SLC14A1: variants seen among roughly 807,000 people sequenced by gnomAD.
The protein encoded by SLC14A1 is urea transporter 1.
A neutral mutation model predicts 39.6 loss-of-function variants in SLC14A1; 36 were observed. The observed-to-expected ratio is 0.91, with a 90% CI of 0.70 to 1.20. The LOEUF is 1.20. Among genes scored for constraint, SLC14A1 ranks in the 50% most tolerant of loss-of-function variants. The pLI is 0.00. For missense variants in SLC14A1, 469 were observed against 478.7 expected (o/e 0.98, Z 0.19); for synonymous variants, 164 against 173.6 (o/e 0.94, Z 0.43).
chr18:45,733,546 C>T (rs936805256), intron 4 of SLC14A1, among the ~76,000 whole-genome samples: 1 of 152,178 alleles, frequency 6.6e-6, no homozygotes, highest in Non-Finnish European at 1.5e-5. Context: ...CAAACTTAAG[C>T]AACAGTTTCA....
intron 4 of SLC14A1, among the ~76,000 whole-genome samples, chr18:45,732,504 C>A (rs575540956): frequency 6.6e-6 from 1 of 152,316 alleles, no homozygotes; most frequent in East Asian, 1.9e-4. Context: ...AAACAAAGAA[C>A]TTTTGAATAG....
At chr18:45,724,715 G>C (rs1049460184) in intron 1 of SLC14A1, among the ~76,000 whole-genome samples, 14 of 152,354 alleles carry the variant, frequency 9.2e-5, no homozygotes, top group African/African-American at 3.4e-4. Flanking sequence ...GCCCTTTCCA[G>C]TGATGGATTT....
At chr18:45,740,976 G>A (rs190546420) in intron 8 of SLC14A1, 1 of 152,438 alleles carries the variant, frequency 6.6e-6, no homozygotes, top group East Asian at 1.9e-4. Context: ...AAGGCATCCT[G>A]AGACCTCTAC....
Position 45,752,009 on chromosome 18 carries a change from C to T in SLC14A1, c.*2058C>T. ...AACCTACAAATATTTTAGGGAGAAG[C>T]TCACTTCTTCCTTTTCTCAGGAAAC... On this transcript the variant is annotated 3_prime_UTR_variant, in exon 10 of 10. Transcript: ENST00000321925. 1 of 985,150 alleles carries T rather than the reference C, an allele frequency of 1.0e-6. No individual in the cohort carries two copies. The allele number at this position is 985,150 out of a possible 1,614,324, so 61.0% of individuals were successfully genotyped here.
intron 4 of SLC14A1, among the ~76,000 whole-genome samples, chr18:45,732,979 T>C (rs892420581): frequency 2.0e-5 from 3 of 152,216 alleles, no homozygotes; most frequent in Admixed American, 6.5e-5. Context: ...GAGACCAATA[T>C]CCTAAGTGAA....
chr18:45,751,077 C>T lies in SLC14A1; in HGVS notation c.*1126C>T, dbSNP rs1218203190. The stretch of plus-strand genomic sequence containing the variant: ...ATAAAGGGCTGAGTGCGGTGGCTCA[C>T]GCCTGTAATCCCAGCACTTTGGGGA... On this transcript the variant is annotated 3_prime_UTR_variant, in exon 10 of 10. Coordinates refer to ENST00000321925, the MANE Select transcript of SLC14A1 (RefSeq NM_015865.7). The T allele has an allele frequency of 1.7e-5, 16 of 960,426 alleles. No individual in the cohort carries two copies. Among genetic ancestry groups the T allele is most frequent in the Middle Eastern group, 5.3e-4 (1 of 1,892 alleles). The allele number at this position is 960,426 out of a possible 1,614,324, so 59.5% of individuals were successfully genotyped here. A position where few individuals can be genotyped will look rare whatever the true frequency, so the allele number is the denominator to read the frequency against.
chr18:45,730,209 G>A lies in SLC14A1; in HGVS notation c.-21-91G>A, dbSNP rs28994286. On this transcript the variant is annotated intron_variant, in intron 2 of 9. Coordinates refer to ENST00000321925, the MANE Select transcript of SLC14A1 (RefSeq NM_015865.7). ...TCTCTTAGTTCTATGGAACATAGTG[G>A]TCCAGATCTTCTACTGTAACCAGGC... The A allele has an allele frequency of 6.2e-3, 8,356 of 1,339,270 alleles. 415 individuals carry two copies. The African/African-American group carries it at 0.11, about 17-fold the overall frequency. 83.0% of individuals were successfully genotyped at this position (1,339,270 alleles called of 1,614,324 possible).
chr18:45,727,561 C>T (rs2046907760), intron 2 of SLC14A1: 1 of 1,026,110 alleles, frequency 9.7e-7, no homozygotes, highest in Admixed American at 2.9e-5. Flanking sequence ...TCCAAAAAGC[C>T]CCATGGCGCT....
Position 45,724,608 on chromosome 18 carries a change from TTGTGTTCTTGAAATAATAATTTGGGC to T in SLC14A1, c.-85-325_-85-300del, listed in dbSNP as rs1434821888. Among the ~76,000 whole-genome samples, 4 of 152,158 alleles carry T rather than the reference TTGTGTTCTTGAAATAATAATTTGGGC, an allele frequency of 2.6e-5. No individual in the cohort carries two copies. The East Asian group carries it at 5.8e-4, about 22-fold the overall frequency. On this transcript the variant is annotated intron_variant, in intron 1 of 9. Coordinates refer to ENST00000321925, the MANE Select transcript of SLC14A1 (RefSeq NM_015865.7). ...AATCAACACTATTAGGAGTTTCAGG[TTGTGTTCTTGAAATAATAATTTGGGC>T]TGTGTTCTTGAAATAAGTTCGAGGC...
chr18:45,735,858 C>G (rs1005142724), intron 5 of SLC14A1, among the ~76,000 whole-genome samples: 1 of 152,194 alleles, frequency 6.6e-6, no homozygotes, highest in Non-Finnish European at 1.5e-5. Context: ...GACCTCGGGA[C>G]CATGCAGCCC....
chr18:45,732,790 G>A (rs956845689), intron 4 of SLC14A1, among the ~76,000 whole-genome samples: 18 of 152,264 alleles, frequency 1.2e-4, no homozygotes, highest in Admixed American at 5.9e-4. Flanking sequence ...TGCCTTTCAC[G>A]GTGCCAGACG....
At chr18:45,727,291 T>C (rs781411422) in intron 2 of SLC14A1, 1 of 1,551,724 alleles carries the variant, frequency 6.4e-7, no homozygotes, top group South Asian at 1.2e-5. Flanking sequence ...CGGTCTTTGA[T>C]TGGCGGCGCT....
rs571186726 is a variant in SLC14A1 at position 45,740,224 on chromosome 18, A to G, written c.946+562A>G. Among the ~76,000 whole-genome samples the G allele has an allele frequency of 7.9e-5, 12 of 152,330 alleles. No individual in the cohort carries two copies. The South Asian group carries it at 8.3e-4, about 11-fold the overall frequency. On this transcript the variant is annotated intron_variant, in intron 8 of 9. Coordinates refer to ENST00000321925, the MANE Select transcript of SLC14A1 (RefSeq NM_015865.7). ...CTAGTTGTTTGACCCAACAAACTAA[A>G]CGGGAATAACTCCAGCTAAATACAG...
Position 45,736,652 on chromosome 18 carries a change from A to AG in SLC14A1, c.663+5dup. 6.2e-7 allele frequency: 1 copy of AG among 1,613,742 alleles called. No homozygotes were observed. The highest frequency in any genetic ancestry group is 8.5e-7 in the Non-Finnish European group (1 of 1,179,616). ...GTCTGACCTCAGTGCCCTGGAGGTA[A>AG]GAGACACTGGCTTCTCACATTCGCC... On this transcript the variant is annotated splice_donor_region_variant and intron_variant, in intron 6 of 9. Transcript: ENST00000321925.
At chr18:45,730,203 A>G (rs2046986680) in intron 2 of SLC14A1, 97 bp from the exon 3 acceptor site, 3 of 1,302,310 alleles carry the variant, frequency 2.3e-6, no homozygotes, top group East Asian at 2.4e-5. Flanking sequence ...TCTATGGAAC[A>G]TAGTGGTCCA....
At chr18:45,726,667 A>T (rs2046871568) in intron 2 of SLC14A1, 1 of 152,182 alleles carries the variant, frequency 6.6e-6, no homozygotes, top group East Asian at 1.9e-4. Context: ...ACACAGCTGG[A>T]TGTGGTGGCA....
intron 2 of SLC14A1, chr18:45,729,028 T>C (rs2046947196): frequency 6.6e-6 from 1 of 152,244 alleles, no homozygotes; most frequent in African/African-American, 2.4e-5. Flanking sequence ...TGTTCATTGC[T>C]ATTTGTTAGC....
chr18:45,730,139 T>C (rs2046984777), intron 2 of SLC14A1, 161 bp from the exon 3 acceptor site: 1 of 652,900 alleles, frequency 1.5e-6, no homozygotes, highest in African/African-American at 1.8e-5. Flanking sequence ...GGATTTGGGT[T>C]TGGCTAATAA....
chr18:45,744,332 G>C (rs1858038541), intron 8 of SLC14A1, among the ~76,000 whole-genome samples: 1 of 152,092 alleles, frequency 6.6e-6, no homozygotes, highest in Non-Finnish European at 1.5e-5. Context: ...AGAGAGTTTT[G>C]TTTTCTTCAA....
Sources: allele counts gnomAD v4.1 joint callset (sites outside exome capture counted in the v4.1 genomes callset), GRCh38; gene constraint gnomAD v4.1.1; transcripts MANE v1.5; gene names NCBI Gene and HGNC (gene_info 2026-07-23, HGNC 2026-07-21).